Variants in FBXW2 observed in about 807,000 individuals in gnomAD.
The protein encoded by FBXW2 is F-box/WD repeat-containing protein 2.
FBXW2 carries 12 observed loss-of-function variants against 46.0 expected under a neutral mutation model. That is an observed-to-expected ratio of 0.26 (90% confidence interval 0.17 to 0.42). FBXW2 has a LOEUF of 0.42. FBXW2 is among the 10% of genes least tolerant of loss of function. The probability of loss-of-function intolerance (pLI) is 1.00; values close to 1 mark genes in which losing one functional copy is unlikely to be tolerated. For synonymous variants in FBXW2, 203 were observed against 209.6 expected (o/e 0.97, Z 0.27); for missense variants, 360 against 537.0 (o/e 0.67, Z 3.26).
chr9:120,786,358 ACT>A (rs2044723377), intron 3 of FBXW2, among the ~76,000 whole-genome samples: 1 of 151,116 alleles, frequency 6.6e-6, no homozygotes, highest in South Asian at 2.1e-4. Context: ...CTTCACTCAC[ACT>A]CTCTCTCTCC....
At chr9:120,784,617 A>G (rs1051479619) in intron 3 of FBXW2, among the ~76,000 whole-genome samples, 2 of 151,734 alleles carry the variant, frequency 1.3e-5, no homozygotes, top group African/African-American at 2.4e-5. Context: ...GTTGTCTCCA[A>G]AAAAGAAAAA....
At chr9:120,770,876 G>A (rs1468974966) in intron 7 of FBXW2, among the ~76,000 whole-genome samples, 1 of 152,148 alleles carries the variant, frequency 6.6e-6, no homozygotes, top group Non-Finnish European at 1.5e-5. Flanking sequence ...CTTCTTTGGA[G>A]GGAAACCCTG....
At chr9:120,783,276 T>C (rs747388710) in intron 3 of FBXW2, among the ~76,000 whole-genome samples, 9 of 152,144 alleles carry the variant, frequency 5.9e-5, no homozygotes, top group Admixed American at 3.3e-4. Flanking sequence ...CTCTGCTCCT[T>C]TCTGGCTTTA....
At chr9:120,768,078 T>G (rs1382162211) in intron 7 of FBXW2, among the ~76,000 whole-genome samples, 1 of 152,224 alleles carries the variant, frequency 6.6e-6, no homozygotes, top group East Asian at 1.9e-4. Context: ...CTGATGCATT[T>G]AAGGAATTTC....
rs145647579 is a variant in FBXW2, at chr9:120,780,084, G to C, written c.491-1539C>G. 3.6e-3 allele frequency among the ~76,000 whole-genome samples: 548 copies of C among 151,058 alleles called. 6 individuals are homozygous for C. The highest frequency in any genetic ancestry group is 0.013 in the African/African-American group (515 of 41,064). On this transcript the variant is annotated intron_variant, in intron 3 of 7. Coordinates refer to ENST00000608872, the MANE Select transcript of FBXW2 (RefSeq NM_012164.4). ...GCTGGGGAGGCAGAGGTTGCAATGA[G>C]CTGAGATCACGCCACTGCATTCCAG...
At position 120,775,976 on chromosome 9, in the gene FBXW2, T is replaced by C. The variant is rs1221857867; in HGVS notation, c.819+117A>G. 14 of 1,217,860 alleles carry C rather than the reference T, an allele frequency of 1.1e-5. No individual in the cohort carries two copies. In the East Asian group the frequency reaches 2.8e-4, roughly 25 times the overall value. 75.4% of individuals were successfully genotyped at this position (1,217,860 alleles called of 1,614,324 possible). On this transcript the variant is annotated intron_variant, in intron 5 of 7. Coordinates refer to ENST00000608872, the MANE Select transcript of FBXW2 (RefSeq NM_012164.4). ...CACTGTTGTGTACCATTATGCTTTG[T>C]AGGTACAGCAATTCCATCTTATGAC... is the stretch of plus-strand genomic sequence containing the variant.
chr9:120,766,568 G>A (rs960381584), intron 7 of FBXW2, among the ~76,000 whole-genome samples: 15 of 152,072 alleles, frequency 9.9e-5, no homozygotes, highest in African/African-American at 3.1e-4. Context: ...GGATTCAAGC[G>A]ATTCTCGTGC....
intron 5 of FBXW2, among the ~76,000 whole-genome samples, chr9:120,775,104 G>C (rs10985033): frequency 0.68 from 103,696 of 151,546 alleles, 36,221 homozygotes; most frequent in Admixed American, 0.81. Flanking sequence ...GTTGCCTAGG[G>C]TGGAGTGCAG....
chr9:120,764,934 C>A, intron 7 of FBXW2, 87 bp from the exon 8 acceptor site: 2 of 1,110,512 alleles, frequency 1.8e-6, no homozygotes, highest in Non-Finnish European at 1.3e-6. Context: ...ATATTTAAAA[C>A]CAATATTAAA....
chr9:120,775,208 T>C (rs757628022), intron 5 of FBXW2, among the ~76,000 whole-genome samples: 12 of 152,092 alleles, frequency 7.9e-5, no homozygotes, highest in Non-Finnish European at 1.6e-4. Flanking sequence ...TACGCCTGGC[T>C]GATTTTTGTA....
At position 120,786,018 on chromosome 9, in the gene FBXW2, C is replaced by CAAAA. The variant is rs3047150; in HGVS notation, c.490+1747_490+1750dup. 8.4e-4 allele frequency among the ~76,000 whole-genome samples: 34 copies of CAAAA among 40,572 alleles called. 1 individual carries two copies. The highest frequency in any genetic ancestry group is 2.6e-3 in the African/African-American group (28 of 10,908). The allele number at this position is 40,572 out of a possible 152,430, so 26.6% of individuals were successfully genotyped here. On this transcript the variant is annotated intron_variant, in intron 3 of 7. Coordinates refer to ENST00000608872, the MANE Select transcript of FBXW2 (RefSeq NM_012164.4). ...TGGGTGACAGAGTGAGACTCCATCT[C>CAAAA]AAAAAAAAAAAAAAAAAAAAAAAAA...
At position 120,793,343 on chromosome 9, in the gene FBXW2, C is replaced by G. The variant is rs926275205; in HGVS notation, c.-130+11G>C. The stretch of plus-strand genomic sequence containing the variant: ...GTCCCCTCCCCGACCGGCCCCGCCT[C>G]GCATACAGACCCGGACCTGCGGCCG... On this transcript the variant is annotated intron_variant, in intron 1 of 7. Transcript: ENST00000608872. The G allele has an allele frequency of 1.2e-5, 5 of 420,760 alleles. No individual in the cohort carries two copies. In the South Asian group the frequency reaches 3.8e-4, roughly 32 times the overall value. 26.1% of individuals were successfully genotyped at this position (420,760 alleles called of 1,614,324 possible).
chr9:120,786,543 G>T (rs942845771), intron 3 of FBXW2, among the ~76,000 whole-genome samples: 12 of 152,274 alleles, frequency 7.9e-5, no homozygotes, highest in African/African-American at 2.6e-4. Context: ...TTAGCAGTCT[G>T]AGAATGGACT....
chr9:120,778,640 G>C (rs1049380961), intron 3 of FBXW2, 95 bp from the exon 4 acceptor site: 2 of 1,041,832 alleles, frequency 1.9e-6, no homozygotes, highest in African/African-American at 1.6e-5. Flanking sequence ...GAACATTAAC[G>C]GTCCCTTCCT....
At chr9:120,779,280 T>C (rs2044562668) in intron 3 of FBXW2, among the ~76,000 whole-genome samples, 1 of 152,240 alleles carries the variant, frequency 6.6e-6, no homozygotes. Context: ...TCCTAATGAT[T>C]AATTCATTCT....
At position 120,787,913 on chromosome 9, in the gene FBXW2, C is replaced by T. The variant is rs370258668; in HGVS notation, c.346G>A (p.Ala116Thr). The T allele has an allele frequency of 2.2e-5, 35 of 1,614,082 alleles. No homozygotes were observed. In the East Asian group the frequency reaches 7.1e-4, roughly 33 times the overall value. Residue 116 changes from alanine (A) to threonine (T), a missense_variant, in exon 3 of 8, where the codon GCT becomes ACT. Transcript: ENST00000608872. The stretch of plus-strand genomic sequence containing the variant: ...AAATAAACCTTCTTCCAGTGCAAAG[C>T]GTCCTGAACAGAATCATCTATCTGC... ...GWQIDDSVQD[A>T]LHWKKVYLKA...
intron 6 of FBXW2, 58 bp from the exon 7 acceptor site, chr9:120,771,575 T>C (rs1177508906): frequency 8.1e-6 from 12 of 1,475,538 alleles, no homozygotes; most frequent in Non-Finnish European, 1.0e-5. Context: ...GAAAAGCTTG[T>C]CCTTAAAATG....
intron 3 of FBXW2, 145 bp downstream of exon 3, chr9:120,787,624 G>A (rs2044751744): frequency 2.7e-6 from 2 of 737,670 alleles, no homozygotes; most frequent in Admixed American, 6.5e-5. Context: ...ATAAGGGGGG[G>A]GAACCACTCA....
Position 120,788,065 on chromosome 9 carries a change from C to G in FBXW2, c.194G>C (p.Ser65Thr). 1 of 1,614,158 alleles carries G rather than the reference C, an allele frequency of 6.2e-7. No homozygotes were observed. Among genetic ancestry groups the G allele is most frequent in the Non-Finnish European group, 8.5e-7 (1 of 1,180,032 alleles). The stretch of plus-strand genomic sequence containing the variant: ...ATCGAGCCATTTTAACAAATAAAAA[C>G]TGAGCTCCAGGGGAAGGAGTTTGAG... ...DFLKLLPLEL[S>T]FYLLKWLDPQ... The change falls in exon 3 of 8, where the codon AGT becomes ACT. Residue 65 changes from serine (S) to threonine (T), a missense_variant. Ser to Thr is a moderately conservative substitution (Grantham distance 58). Transcript: ENST00000608872.
Sources: gnomAD v4.1 joint callset for allele counts (sites outside exome capture counted in the v4.1 genomes callset) on GRCh38, gnomAD v4.1.1 for gene constraint, MANE v1.5 for transcripts, NCBI Gene and HGNC (gene_info 2026-07-23, HGNC 2026-07-21) for gene names.